Variants in SHCBP1L observed in about 807,000 individuals in gnomAD.
SHCBP1L encodes the protein testicular spindle-associated protein SHCBP1L.
SHCBP1L carries 67 observed loss-of-function variants against 62.5 expected under a neutral mutation model. The ratio of observed to expected loss-of-function variants is 1.07; its 90% CI spans 0.88 to 1.31. The LOEUF is 1.31. SHCBP1L is among the 40% of genes most tolerant of loss of function. The pLI is 0.00. For synonymous variants in SHCBP1L, 284 were observed against 289.4 expected, an observed-to-expected ratio of 0.98 and a Z score of 0.19; for missense variants, 823 against 809.8, an observed-to-expected ratio of 1.02 and a Z score of -0.20.
chr1:182,925,389 T>C (rs1027436698), intron 6 of SHCBP1L, among the ~76,000 whole-genome samples: 1 of 152,102 alleles, frequency 6.6e-6, no homozygotes, highest in East Asian at 1.9e-4. Flanking sequence ...TAGATGTTAC[T>C]CCAAGGAAGA....
chr1:182,909,475 G>C (rs1309185753), intron 6 of SHCBP1L, among the ~76,000 whole-genome samples: 1 of 152,180 alleles, frequency 6.6e-6, no homozygotes, highest in Non-Finnish European at 1.5e-5. Context: ...AGTAGGCAAA[G>C]AGGTGGTAGA....
At chr1:182,920,171 G>A (rs1469449993) in intron 6 of SHCBP1L, among the ~76,000 whole-genome samples, 3 of 152,108 alleles carry the variant, frequency 2.0e-5, no homozygotes, top group Non-Finnish European at 2.9e-5. Context: ...ACTCACCATC[G>A]AAGTGTTGTT....
chr1:182,933,179 C>T (rs534814396), intron 5 of SHCBP1L, among the ~76,000 whole-genome samples: 1 of 152,338 alleles, frequency 6.6e-6, no homozygotes, highest in South Asian at 2.1e-4. Context: ...GCTGGGATTA[C>T]AGGCATGAGC....
intron 9 of SHCBP1L, among the ~76,000 whole-genome samples, chr1:182,900,894 G>A (rs922674447): frequency 6.6e-6 from 1 of 152,056 alleles, no homozygotes; most frequent in Non-Finnish European, 1.5e-5. Context: ...AAAAAAAAGT[G>A]TAAGAAAATA....
At chr1:182,950,694 A>T (rs76708954) in intron 2 of SHCBP1L, 1 of 148,688 alleles carries the variant, frequency 6.7e-6, no homozygotes, top group Non-Finnish European at 1.5e-5. Context: ...GTTTCAAAAG[A>T]AAAAAAAAAG....
At chr1:182,942,516 G>A (rs1220668916) in intron 2 of SHCBP1L, 1 of 589,670 alleles carries the variant, frequency 1.7e-6, no homozygotes, top group African/African-American at 1.9e-5. Flanking sequence ...GAGCTACTGA[G>A]ACCCACCAAG....
chr1:182,911,959 G>T (rs939794532), intron 6 of SHCBP1L, among the ~76,000 whole-genome samples: 9 of 152,200 alleles, frequency 5.9e-5, no homozygotes, highest in Non-Finnish European at 1.3e-4. Flanking sequence ...GTATATATGG[G>T]TTTTCATTCA....
chr1:182,921,511 A>T (rs78825603), intron 6 of SHCBP1L, among the ~76,000 whole-genome samples: 14,154 of 152,240 alleles, frequency 0.093, 952 homozygotes, highest in African/African-American at 0.18. Flanking sequence ...TGCACATATT[A>T]ATATTAACCT....
intron 6 of SHCBP1L, among the ~76,000 whole-genome samples, chr1:182,919,635 T>G (rs560543812): frequency 6.6e-6 from 1 of 152,238 alleles, no homozygotes; most frequent in South Asian, 2.1e-4. Context: ...CTAGGCACCA[T>G]GCATAGACCA....
At chr1:182,902,073 T>C (rs1649860446) in intron 9 of SHCBP1L, among the ~76,000 whole-genome samples, 1 of 148,298 alleles carries the variant, frequency 6.7e-6, no homozygotes, top group Admixed American at 6.7e-5. Flanking sequence ...TTTTTTTTTT[T>C]TTTTTGAGAC....
At chr1:182,924,790 G>GAAAGAA (rs1228003168) in intron 6 of SHCBP1L, among the ~76,000 whole-genome samples, 8 of 73,356 alleles carry the variant, frequency 1.1e-4, no homozygotes, top group Non-Finnish European at 2.0e-4. Context: ...GAAAGAAAGA[G>GAAAGAA]AGAAAGAAAG....
At chr1:182,942,246 T>C in intron 2 of SHCBP1L, 1 of 1,356,506 alleles carries the variant, frequency 7.4e-7, no homozygotes, top group Non-Finnish European at 1.1e-6. Flanking sequence ...CTTTTCCCTT[T>C]TGTTTGCACT....
At chr1:182,904,857 C>T (rs1314836431) in intron 7 of SHCBP1L, among the ~76,000 whole-genome samples, 1 of 151,900 alleles carries the variant, frequency 6.6e-6, no homozygotes, top group Non-Finnish European at 1.5e-5. Flanking sequence ...AGTGATTGTC[C>T]CACCTCAGCC....
chr1:182,911,607 A>G (rs1203844953), intron 6 of SHCBP1L, among the ~76,000 whole-genome samples: 2 of 152,214 alleles, frequency 1.3e-5, no homozygotes, highest in Non-Finnish European at 2.9e-5. Flanking sequence ...AGGAAACAAT[A>G]AAGAACTAGA....
chr1:182,924,734 AAGAAAGAAAG>A (rs1650638288), intron 6 of SHCBP1L, among the ~76,000 whole-genome samples: 1 of 93,660 alleles, frequency 1.1e-5, no homozygotes, highest in Non-Finnish European at 1.9e-5. Context: ...GAAAGAAAGA[AAGAAAGAAAG>A]AAAGAAAGAA....
intron 6 of SHCBP1L, among the ~76,000 whole-genome samples, chr1:182,909,915 A>T (rs185028770): frequency 3.3e-5 from 5 of 152,226 alleles, no homozygotes; most frequent in African/African-American, 1.2e-4. Flanking sequence ...CACAGTGAGT[A>T]GAGGAATAAA....
intron 6 of SHCBP1L, among the ~76,000 whole-genome samples, chr1:182,913,319 G>A (rs1011747588): frequency 1.3e-5 from 2 of 152,172 alleles, no homozygotes; most frequent in African/African-American, 4.8e-5. Context: ...GAGCAGTTTT[G>A]GAGGCTGAGT....
chr1:182,949,949 G>GTGCC (rs1255957569), intron 2 of SHCBP1L, among the ~76,000 whole-genome samples: 1 of 150,934 alleles, frequency 6.6e-6, no homozygotes, highest in African/African-American at 2.4e-5. Flanking sequence ...CCACAGGTGT[G>GTGCC]TGCCTGTTTT....
intron 5 of SHCBP1L, 149 bp from the exon 6 acceptor site, chr1:182,929,901 CA>C (rs1650903658): frequency 1.7e-6 from 1 of 577,104 alleles, no homozygotes; most frequent in African/African-American, 2.0e-5. Flanking sequence ...AACTTGAGAG[CA>C]ATGTAATGAT....
Sources: gnomAD v4.1 joint callset for allele counts (sites outside exome capture counted in the v4.1 genomes callset) on GRCh38, gnomAD v4.1.1 for gene constraint, MANE v1.5 for transcripts, NCBI Gene and HGNC (gene_info 2026-07-23, HGNC 2026-07-21) for gene names.